BMERB1: variants seen among roughly 807,000 people sequenced by gnomAD.
The protein encoded by BMERB1 is bMERB domain containing 1.
Under a neutral mutation model 23.6 loss-of-function variants are expected in BMERB1, and 12 were observed. That is an observed-to-expected ratio of 0.51 (90% CI 0.33 to 0.82). The LOEUF is 0.82. Ranked by LOEUF, BMERB1 falls within the 40% of genes least tolerant of loss-of-function variation. BMERB1 has a pLI of 0.03. For missense variants in BMERB1, 247 were observed against 255.4 expected (o/e 0.97, Z 0.22); for synonymous variants, 122 against 96.6 (o/e 1.26, Z -1.54).
intron 2 of BMERB1, among the ~76,000 whole-genome samples, chr16:15,552,063 T>C (rs950805779): frequency 6.6e-6 from 1 of 152,114 alleles, no homozygotes; most frequent in Non-Finnish European, 1.5e-5. Flanking sequence ...CAGTCTTCTA[T>C]CCACTTCACA....
In BMERB1 at chr16:15,586,859, GA is replaced by G. The variant is rs2031159503; in HGVS notation, c.*31del. ...CACGTGGGGTGCCCTGGGCCATGGG[GA>G]CCCCCCCCCACCCTCTTGTCTTTAT... On this transcript the variant is annotated 3_prime_UTR_variant, in exon 6 of 6. Coordinates refer to ENST00000300006, the MANE Select transcript of BMERB1 (RefSeq NM_033201.3). 1 of 1,388,632 alleles carries G rather than the reference GA, an allele frequency of 7.2e-7. No homozygotes were observed. The highest frequency in any genetic ancestry group is 2.4e-5 in the East Asian group (1 of 41,244). The allele number at this position is 1,388,632 out of a possible 1,614,324, so 86.0% of individuals were successfully genotyped here.
chr16:15,512,012 C>CAAAAAA (rs57021793), intron 1 of BMERB1, among the ~76,000 whole-genome samples: 8,665 of 61,100 alleles, frequency 0.14, 1,364 homozygotes, highest in East Asian at 0.35. Flanking sequence ...GACTTGCTCT[C>CAAAAAA]AAAAAAAAAA....
intron 2 of BMERB1, among the ~76,000 whole-genome samples, chr16:15,522,404 G>A (rs1243070374): frequency 6.6e-6 from 1 of 151,852 alleles, no homozygotes; most frequent in African/African-American, 2.4e-5. Context: ...TCAAAATGGG[G>A]TAATAGTGCA....
chr16:15,435,983 C>G (rs2150918783), intron 1 of BMERB1, among the ~76,000 whole-genome samples: 1 of 151,958 alleles, frequency 6.6e-6, no homozygotes, highest in Non-Finnish European at 1.5e-5. Context: ...CTTTCAAGAC[C>G]CAATGACTTG....
chr16:15,529,325 G>C (rs12933773), intron 2 of BMERB1, among the ~76,000 whole-genome samples: 49,771 of 151,868 alleles, frequency 0.33, 8,686 homozygotes, highest in East Asian at 0.51. Context: ...CGCGCCCGGC[G>C]GTGTTTGTTG....
At chr16:15,541,414 C>T (rs1039908711) in intron 2 of BMERB1, among the ~76,000 whole-genome samples, 8 of 147,818 alleles carry the variant, frequency 5.4e-5, no homozygotes, top group African/African-American at 7.6e-5. Context: ...GGAAGTTGCC[C>T]GCCGAATTGT....
At chr16:15,494,843 C>T (rs1253670040) in intron 1 of BMERB1, among the ~76,000 whole-genome samples, 1 of 149,682 alleles carries the variant, frequency 6.7e-6, no homozygotes, top group Admixed American at 6.7e-5. Context: ...TTTTAAAAGG[C>T]TCAAGAAATG....
chr16:15,558,739 T>C (rs2030338702), intron 2 of BMERB1, among the ~76,000 whole-genome samples: 1 of 151,798 alleles, frequency 6.6e-6, no homozygotes, highest in South Asian at 2.1e-4. Flanking sequence ...ATCATTTGGC[T>C]GCTTGACTTT....
chr16:15,560,452 A>G (rs1048530610), intron 2 of BMERB1, among the ~76,000 whole-genome samples: 3 of 152,228 alleles, frequency 2.0e-5, no homozygotes, highest in Admixed American at 6.5e-5. Context: ...CAAAATTTCT[A>G]CAATGATTAG....
intron 1 of BMERB1, among the ~76,000 whole-genome samples, chr16:15,502,811 G>C (rs530300386): frequency 2.6e-5 from 4 of 152,192 alleles, no homozygotes; most frequent in Admixed American, 6.5e-5. Context: ...GCATGGGTCT[G>C]TTGGAGCTGC....
chr16:15,538,437 G>GC (rs1206601668), intron 2 of BMERB1, among the ~76,000 whole-genome samples: 1 of 151,338 alleles, frequency 6.6e-6, no homozygotes, highest in Non-Finnish European at 1.5e-5. Context: ...GGGTGACAGA[G>GC]CAAGACTCTG....
intron 2 of BMERB1, among the ~76,000 whole-genome samples, chr16:15,551,144 T>G (rs1158218889): frequency 1.3e-5 from 2 of 152,236 alleles, no homozygotes; most frequent in Admixed American, 1.3e-4. Flanking sequence ...TCTCCAGGGC[T>G]GACTCACCGC....
At chr16:15,464,491 C>T (rs1035545155) in intron 1 of BMERB1, among the ~76,000 whole-genome samples, 7 of 152,174 alleles carry the variant, frequency 4.6e-5, no homozygotes, top group Admixed American at 6.6e-5. Flanking sequence ...AAAAAAATGG[C>T]TTCTCTGTAG....
intron 1 of BMERB1, among the ~76,000 whole-genome samples, chr16:15,441,658 G>A (rs894099375): frequency 1.1e-4 from 17 of 151,982 alleles, no homozygotes; most frequent in East Asian, 3.9e-4. Context: ...GATTACAGCC[G>A]TGAGCCACGA....
chr16:15,437,422 C>T lies in BMERB1; in HGVS notation c.106+2663C>T, dbSNP rs74857291. Among the ~76,000 whole-genome samples the T allele has an allele frequency of 2.0e-3, 308 of 152,238 alleles. 1 individual carries two copies. The highest frequency in any genetic ancestry group is 7.0e-3 in the African/African-American group (290 of 41,554). Reference sequence around the variant, plus strand: ...AGTACTCAAGGTTAAGTGCTCAATACGTATTGTTCACTTCCATTCGGTTAC... The same window carrying T: ...AGTACTCAAGGTTAAGTGCTCAATATGTATTGTTCACTTCCATTCGGTTAC... On this transcript the variant is annotated intron_variant, in intron 1 of 5. Coordinates refer to ENST00000300006, the MANE Select transcript of BMERB1 (RefSeq NM_033201.3).
intron 3 of BMERB1, among the ~76,000 whole-genome samples, chr16:15,580,194 T>C (rs2030972214): frequency 7.0e-6 from 1 of 143,744 alleles, no homozygotes; most frequent in Admixed American, 6.7e-5. Context: ...ACTCCTGGGC[T>C]CAAGAGATCC....
chr16:15,531,476 C>T (rs2051966415), intron 2 of BMERB1, among the ~76,000 whole-genome samples: 1 of 152,164 alleles, frequency 6.6e-6, no homozygotes, highest in South Asian at 2.1e-4. Context: ...CTTCAGTCTA[C>T]CATATTGAGT....
chr16:15,558,364 G>A lies in BMERB1; in HGVS notation c.231-9619G>A, dbSNP rs573079882. Among the ~76,000 whole-genome samples, 45 of 152,254 alleles carry A rather than the reference G, an allele frequency of 3.0e-4. 1 individual carries two copies. Among genetic ancestry groups the A allele is most frequent in the Middle Eastern group, 6.8e-3 (2 of 294 alleles). Reference sequence around the variant, plus strand: ...CAGGGTGGTCTAAAGTGTGGGAAGAGGTGATTGGAGGCAAGGAAAAGTGAG... The same window carrying A: ...CAGGGTGGTCTAAAGTGTGGGAAGAAGTGATTGGAGGCAAGGAAAAGTGAG... On this transcript the variant is annotated intron_variant, in intron 2 of 5. Coordinates refer to ENST00000300006, the MANE Select transcript of BMERB1 (RefSeq NM_033201.3).
intron 1 of BMERB1, among the ~76,000 whole-genome samples, chr16:15,487,601 T>C (rs2150937769): frequency 6.6e-6 from 1 of 152,320 alleles, no homozygotes; most frequent in East Asian, 1.9e-4. Flanking sequence ...TTTCTTAAGT[T>C]ATTAAGAAAG....
Sources: gnomAD v4.1 joint callset for allele counts (sites outside exome capture counted in the v4.1 genomes callset) on GRCh38, gnomAD v4.1.1 for gene constraint, MANE v1.5 for transcripts, NCBI Gene and HGNC (gene_info 2026-07-23, HGNC 2026-07-21) for gene names.